PLA2G4A: variants seen among roughly 807,000 people sequenced by gnomAD.
PLA2G4A encodes the protein phospholipase A2 group IVA.
Under a neutral mutation model 81.9 loss-of-function variants are expected in PLA2G4A, and 40 were observed. The observed-to-expected ratio is 0.49, with a 90% CI of 0.38 to 0.64. PLA2G4A has a LOEUF of 0.64. PLA2G4A is among the 30% of genes least tolerant of loss of function. PLA2G4A has a pLI of 0.00. For missense variants in PLA2G4A, 715 were observed against 905.1 expected (o/e 0.79, Z 2.69); for synonymous variants, 302 against 296.9 (o/e 1.02, Z -0.18).
chr1:186,850,667 G>A (rs1652341872), intron 1 of PLA2G4A, among the ~76,000 whole-genome samples: 1 of 152,066 alleles, frequency 6.6e-6, no homozygotes, highest in South Asian at 2.1e-4. Context: ...CTTCTGCTAT[G>A]CCATTCTCAT....
At chr1:186,938,607 T>A (rs1656036873) in intron 8 of PLA2G4A, among the ~76,000 whole-genome samples, 1 of 152,132 alleles carries the variant, frequency 6.6e-6, no homozygotes, top group Non-Finnish European at 1.5e-5. Flanking sequence ...TCCTGGAAAT[T>A]TAGATGATCA....
intron 1 of PLA2G4A, among the ~76,000 whole-genome samples, chr1:186,850,138 G>A (rs1652321642): frequency 6.6e-6 from 1 of 152,098 alleles, no homozygotes; most frequent in African/African-American, 2.4e-5. Flanking sequence ...TTAAACAAAA[G>A]TAATAGACTG....
chr1:186,964,052 T>C lies in PLA2G4A; in HGVS notation c.1580-1357T>C, dbSNP rs1448506305. On this transcript the variant is annotated intron_variant, in intron 14 of 17. Transcript: ENST00000367466. ...AGAAATCTATGAAGGGAAACTAACA[T>C]ATACTAGGTTCCTACTGTGTGCTGA... Among the ~76,000 whole-genome samples, 4 of 152,338 alleles carry C rather than the reference T, an allele frequency of 2.6e-5. No homozygotes were observed. The Middle Eastern group carries it at 0.01, about 389-fold the overall frequency.
chr1:186,854,239 A>G lies in PLA2G4A; in HGVS notation c.-69-47A>G, dbSNP rs1652475449. 10 of 721,972 alleles carry G rather than the reference A, an allele frequency of 1.4e-5. No homozygotes were observed. In the South Asian group the frequency reaches 1.6e-4, roughly 11 times the overall value. The allele number at this position is 721,972 out of a possible 1,614,324, so 44.7% of individuals were successfully genotyped here. On this transcript the variant is annotated intron_variant, in intron 1 of 17. Coordinates refer to ENST00000367466, the MANE Select transcript of PLA2G4A (RefSeq NM_024420.3). Reference sequence around the variant, plus strand: ...TACTCATAATTGTTTAAATCTTAGAACTGCATCCAAGAGGAAGCTTAACAA... The same window carrying G: ...TACTCATAATTGTTTAAATCTTAGAGCTGCATCCAAGAGGAAGCTTAACAA...
At chr1:186,977,852 AACTGTTTC>A (rs1657587044) in intron 16 of PLA2G4A, 64 bp downstream of exon 16, 1 of 1,046,296 alleles carries the variant, frequency 9.6e-7, no homozygotes, top group African/African-American at 1.6e-5. Context: ...ACTGACATTA[AACTGTTTC>A]ACTCTGTCAC....
chr1:186,976,821 G>C (rs745919253), intron 15 of PLA2G4A, among the ~76,000 whole-genome samples: 1 of 152,172 alleles, frequency 6.6e-6, no homozygotes, highest in African/African-American at 2.4e-5. Context: ...AACCAACCTC[G>C]AATCTCCGTA....
intron 14 of PLA2G4A, among the ~76,000 whole-genome samples, chr1:186,958,395 A>G (rs551273315): frequency 3.9e-5 from 6 of 152,332 alleles, no homozygotes; most frequent in Middle Eastern, 3.4e-3. Context: ...GCTTATTGCC[A>G]TCGCAATACC....
At chr1:186,978,043 C>T (rs1291422507) in intron 16 of PLA2G4A, among the ~76,000 whole-genome samples, 2 of 152,188 alleles carry the variant, frequency 1.3e-5, no homozygotes, top group African/African-American at 2.4e-5. Context: ...GACTTTACTT[C>T]AATACTTTGA....
At chr1:186,981,569 A>T (rs1657718779) in intron 17 of PLA2G4A, among the ~76,000 whole-genome samples, 1 of 152,232 alleles carries the variant, frequency 6.6e-6, no homozygotes, top group Admixed American at 6.5e-5. Flanking sequence ...TATAAAATAT[A>T]CAAAATATAA....
At chr1:186,873,091 C>A (rs568864214) in intron 3 of PLA2G4A, among the ~76,000 whole-genome samples, 186 of 151,010 alleles carry the variant, frequency 1.2e-3, no homozygotes, top group African/African-American at 4.3e-3. Flanking sequence ...CGGGAAGAGA[C>A]AAAAAGAACA....
At chr1:186,963,658 T>C (rs1019797292) in intron 14 of PLA2G4A, among the ~76,000 whole-genome samples, 1 of 152,208 alleles carries the variant, frequency 6.6e-6, no homozygotes, top group African/African-American at 2.4e-5. Flanking sequence ...AGCCATAAAA[T>C]TTATTCTTCT....
In PLA2G4A at chr1:186,965,467, T is replaced by C; in HGVS notation, c.1638T>C (p.His546=). The C allele has an allele frequency of 6.2e-7, 1 of 1,611,588 alleles. No individual in the cohort carries two copies. The highest frequency in any genetic ancestry group is 8.5e-7 in the Non-Finnish European group (1 of 1,177,650). The change falls in exon 15 of 18, where the codon CAT becomes CAC. Residue 546 remains histidine (H), a synonymous_variant. Transcript: ENST00000367466. The part of the protein sequence containing the change: ...EPLDVKSKKI[H]VVDSGLTFNL... Reference sequence around the variant, plus strand: ...TGGATGTCAAAAGTAAAAAGATTCATGTAGTGGACAGTGGGCTCACATTTA... The same window carrying C: ...TGGATGTCAAAAGTAAAAAGATTCACGTAGTGGACAGTGGGCTCACATTTA...
chr1:186,872,380 G>A (rs951694773), intron 3 of PLA2G4A, among the ~76,000 whole-genome samples: 2 of 152,010 alleles, frequency 1.3e-5, no homozygotes, highest in Non-Finnish European at 2.9e-5. Context: ...AAGAGGCCAC[G>A]CTGTGTGTTG....
chr1:186,972,096 A>T (rs1657376116), intron 15 of PLA2G4A, among the ~76,000 whole-genome samples: 1 of 152,144 alleles, frequency 6.6e-6, no homozygotes, highest in Non-Finnish European at 1.5e-5. Flanking sequence ...AAAAGCAACC[A>T]CAATTTATGT....
At chr1:186,913,704 A>G (rs1448604231) in intron 7 of PLA2G4A, among the ~76,000 whole-genome samples, 4 of 152,242 alleles carry the variant, frequency 2.6e-5, no homozygotes, top group Non-Finnish European at 5.9e-5. Flanking sequence ...TATTTCTCGT[A>G]GGAATTAATT....
chr1:186,928,301 A>G (rs1655621040), intron 7 of PLA2G4A, among the ~76,000 whole-genome samples: 1 of 152,188 alleles, frequency 6.6e-6, no homozygotes, highest in African/African-American at 2.4e-5. Flanking sequence ...CCCATATCAG[A>G]AGCAATGGAG....
intron 12 of PLA2G4A, among the ~76,000 whole-genome samples, chr1:186,947,817 C>A (rs12720630): frequency 0.032 from 4,844 of 152,138 alleles, 280 homozygotes; most frequent in African/African-American, 0.11. Flanking sequence ...TCTTCTCTAT[C>A]TGGGAAGTAG....
intron 2 of PLA2G4A, among the ~76,000 whole-genome samples, chr1:186,856,176 T>C (rs915073161): frequency 2.0e-5 from 3 of 151,944 alleles, no homozygotes; most frequent in African/African-American, 4.8e-5. Context: ...ATGATAACAA[T>C]ATTGAGTCTT....
At chr1:186,836,754 T>C (rs146222348) in intron 1 of PLA2G4A, among the ~76,000 whole-genome samples, 49 of 152,310 alleles carry the variant, frequency 3.2e-4, no homozygotes, top group African/African-American at 1.2e-3. Flanking sequence ...TGTGCTACAT[T>C]TAGGGCATAC....
Sources: allele counts gnomAD v4.1 joint callset (sites outside exome capture counted in the v4.1 genomes callset), GRCh38; gene constraint gnomAD v4.1.1; transcripts MANE v1.5; gene names NCBI Gene and HGNC (gene_info 2026-07-23, HGNC 2026-07-21).